The following RASEF variants were observed in gnomAD, a reference collection of about 807,000 sequenced individuals.
The protein encoded by RASEF is ras and EF-hand domain-containing protein.
A neutral mutation model predicts 90.1 loss-of-function variants in RASEF; 68 were observed. The observed-to-expected ratio is 0.75, with a 90% confidence interval of 0.62 to 0.92. The LOEUF is 0.92. Among genes scored for constraint, RASEF ranks in the 40% least tolerant of loss-of-function variants. The pLI is 0.00. For synonymous variants in RASEF, 331 were observed against 345.2 expected (o/e 0.96, Z 0.46); for missense variants, 949 against 937.2 (o/e 1.01, Z -0.16).
At chr9:83,161,430 C>T in the RASEF span, among the ~76,000 whole-genome samples, 1 of 152,264 alleles carries the variant, frequency 6.6e-6, no homozygotes, top group South Asian at 2.1e-4. Context: ...CCCCTTTCCC[C>T]CTTTCTTTGG....
At chr9:83,131,361 G>T in the RASEF span, among the ~76,000 whole-genome samples, 1 of 152,184 alleles carries the variant, frequency 6.6e-6, no homozygotes, top group Non-Finnish European at 1.5e-5. Flanking sequence ...TTGTTGGATT[G>T]AAAGGAAACA....
At chr9:83,024,627 G>C (rs866441211) in intron 2 of RASEF, among the ~76,000 whole-genome samples, 56 of 152,230 alleles carry the variant, frequency 3.7e-4, no homozygotes, top group African/African-American at 1.3e-3. Context: ...GCTAATTTGA[G>C]AGAAAAATGG....
At chr9:83,089,301 A>G in the RASEF span, among the ~76,000 whole-genome samples, 4 of 152,100 alleles carry the variant, frequency 2.6e-5, no homozygotes, top group African/African-American at 9.6e-5. Context: ...AAAATAAGAT[A>G]GAAATAAAAA....
rs1185263685 is a variant in RASEF, at chr9:82,980,066, C to T, written c.*2611G>A. ...TAAAAGTTAACAGTGAAAAATATCT[C>T]CTTATCCAACATTATTTTCCACAAT... On this transcript the variant is annotated 3_prime_UTR_variant, in exon 17 of 17. Transcript: ENST00000376447. The T allele has an allele frequency of 6.6e-6, 1 of 152,016 alleles. No individual in the cohort carries two copies. Among genetic ancestry groups the T allele is most frequent in the East Asian group, 1.9e-4 (1 of 5,188 alleles). The allele number at this position is 152,016 out of a possible 1,614,324, so 9.4% of individuals were successfully genotyped here.
the RASEF span, among the ~76,000 whole-genome samples, chr9:83,196,231 G>A: frequency 6.6e-5 from 10 of 152,098 alleles, no homozygotes; most frequent in Non-Finnish European, 1.3e-4. Context: ...TCAGGGCTGC[G>A]AAAACCTGGT....
Position 82,982,786 on chromosome 9 carries a change from A to T in RASEF, c.2118-4T>A. 2.8e-6 allele frequency: 4 copies of T among 1,451,006 alleles called. No individual in the cohort carries two copies. The highest frequency in any genetic ancestry group is 3.8e-6 in the Non-Finnish European group (4 of 1,041,276). The allele number at this position is 1,451,006 out of a possible 1,614,324, so 89.9% of individuals were successfully genotyped here. A position where few individuals can be genotyped will look rare whatever the true frequency, so the allele number is the denominator to read the frequency against. Reference sequence around the variant, plus strand: ...GTCAGTTCTCTTTTTCACTTCTCTGAGACAGAGATAGAGAGAGACAGAGAG... The same window carrying T: ...GTCAGTTCTCTTTTTCACTTCTCTGTGACAGAGATAGAGAGAGACAGAGAG... On this transcript the variant is annotated splice_polypyrimidine_tract_variant and splice_region_variant and intron_variant, in intron 16 of 16. Transcript: ENST00000376447.
the RASEF span, among the ~76,000 whole-genome samples, chr9:83,198,209 T>C: frequency 1.6e-4 from 24 of 152,176 alleles, no homozygotes; most frequent in Admixed American, 1.6e-3. Context: ...AAACATATAA[T>C]TTAGAAATAA....
chr9:83,217,280 G>A, the RASEF span, among the ~76,000 whole-genome samples: 142 of 152,274 alleles, frequency 9.3e-4, no homozygotes, highest in Middle Eastern at 3.4e-3. Context: ...TGTCTCAGAT[G>A]AGACTTTGGA....
chr9:83,168,362 T>C, the RASEF span, among the ~76,000 whole-genome samples: 5 of 152,146 alleles, frequency 3.3e-5, no homozygotes, highest in Non-Finnish European at 7.4e-5. Context: ...TTGTGGTTTT[T>C]TTATTTTTAT....
Position 82,980,063 on chromosome 9 carries a change from T to C in RASEF, c.*2614A>G, listed in dbSNP as rs577537243. 30 of 152,260 alleles carry C rather than the reference T, an allele frequency of 2.0e-4. No homozygotes were observed. Among genetic ancestry groups the C allele is most frequent in the African/African-American group, 6.3e-4 (26 of 41,552 alleles). 9.4% of individuals were successfully genotyped at this position (152,260 alleles called of 1,614,324 possible). The stretch of plus-strand genomic sequence containing the variant: ...GGCTAAAAGTTAACAGTGAAAAATA[T>C]CTCCTTATCCAACATTATTTTCCAC... On this transcript the variant is annotated 3_prime_UTR_variant, in exon 17 of 17. Coordinates refer to ENST00000376447, the MANE Select transcript of RASEF (RefSeq NM_152573.4).
upstream of RASEF, among the ~76,000 whole-genome samples, chr9:83,065,802 G>A (rs780628216): frequency 2.0e-4 from 30 of 152,108 alleles, no homozygotes; most frequent in Admixed American, 9.8e-4. Context: ...CAACAATTTT[G>A]TTTCGCAGGG....
chr9:83,186,711 A>C, the RASEF span, among the ~76,000 whole-genome samples: 1 of 152,180 alleles, frequency 6.6e-6, no homozygotes, highest in Non-Finnish European at 1.5e-5. Flanking sequence ...AGTGGTGGCC[A>C]GTGGGATATA....
chr9:83,001,094 G>A lies in RASEF; in HGVS notation c.1239C>T (p.Asp413=). The change falls in exon 10 of 17, where the codon GAC becomes GAT. Residue 413 remains aspartate (D), a synonymous_variant. Transcript: ENST00000376447. ...SRSSYVDEDC[D]SLALCDPLQR... ...GCAGAGGATCACAGAGGGCCAGGGA[G>A]TCACAGTCCTCATCCACATAGGAAG... 1.2e-6 allele frequency: 2 copies of A among 1,614,114 alleles called. No individual in the cohort carries two copies. Among genetic ancestry groups the A allele is most frequent in the Middle Eastern group, 1.6e-4 (1 of 6,062 alleles).
At chr9:83,093,071 G>A in the RASEF span, among the ~76,000 whole-genome samples, 1 of 151,932 alleles carries the variant, frequency 6.6e-6, no homozygotes, top group African/African-American at 2.4e-5. Context: ...GATACAGAGT[G>A]TCGATTGGTG....
At chr9:83,205,309 CAG>C in the RASEF span, among the ~76,000 whole-genome samples, 4 of 152,190 alleles carry the variant, frequency 2.6e-5, no homozygotes, top group African/African-American at 9.6e-5. Context: ...GAAGCACAAA[CAG>C]ATTTTCAGAT....
the RASEF span, among the ~76,000 whole-genome samples, chr9:83,133,200 T>C: frequency 3.9e-5 from 6 of 152,146 alleles, no homozygotes; most frequent in Non-Finnish European, 7.3e-5. Context: ...TCCACTCCAG[T>C]GTAGCATCAG....
At chr9:83,128,956 C>A in the RASEF span, among the ~76,000 whole-genome samples, 1 of 152,120 alleles carries the variant, frequency 6.6e-6, no homozygotes, top group African/African-American at 2.4e-5. Flanking sequence ...AATATTTCAC[C>A]AAAGAGCATG....
the RASEF span, among the ~76,000 whole-genome samples, chr9:83,090,462 G>A: frequency 6.6e-6 from 1 of 151,568 alleles, no homozygotes; most frequent in Non-Finnish European, 1.5e-5. Context: ...GGAGTGCAGT[G>A]GTACAGTCTT....
chr9:83,074,544 G>C, the RASEF span, among the ~76,000 whole-genome samples: 1 of 152,024 alleles, frequency 6.6e-6, no homozygotes, highest in East Asian at 1.9e-4. Flanking sequence ...TCACTGAAAT[G>C]GTTTTTATGT....
Sources: allele counts gnomAD v4.1 joint callset (sites outside exome capture counted in the v4.1 genomes callset), GRCh38; gene constraint gnomAD v4.1.1; transcripts MANE v1.5; gene names NCBI Gene and HGNC (gene_info 2026-07-23, HGNC 2026-07-21).